The following ZNF536 variants were observed in gnomAD, a reference collection of about 807,000 sequenced individuals.
The protein encoded by ZNF536 is zinc finger protein 536.
A neutral mutation model predicts 84.5 loss-of-function variants in ZNF536; 13 were observed. The ratio of observed to expected loss-of-function variants is 0.15; its 90% confidence interval spans 0.10 to 0.24. The LOEUF is 0.24. Among genes scored for constraint, ZNF536 ranks in the 10% least tolerant of loss-of-function variants. ZNF536 has a pLI of 1.00. For synonymous variants in ZNF536, 811 were observed against 742.5 expected (o/e 1.09, Z -1.50); for missense variants, 1,536 against 1,747.5 (o/e 0.88, Z 2.16).
At chr19:30,413,870 T>C (rs957214519) in intron 1 of ZNF536, among the ~76,000 whole-genome samples, 7 of 151,900 alleles carry the variant, frequency 4.6e-5, no homozygotes, top group Non-Finnish European at 8.8e-5. Context: ...GGTGGGCAAA[T>C]CATGAGGTCA....
chr19:30,306,263 C>G (rs2046341264), intron 2 of ZNF536, among the ~76,000 whole-genome samples: 1 of 139,168 alleles, frequency 7.2e-6, no homozygotes, highest in African/African-American at 2.7e-5. Flanking sequence ...TTTCTCTCTT[C>G]TTTTGTTGCC....
chr19:30,400,652 C>T (rs1386088225), intron 1 of ZNF536, among the ~76,000 whole-genome samples: 1 of 152,146 alleles, frequency 6.6e-6, no homozygotes, highest in Non-Finnish European at 1.5e-5. Flanking sequence ...GCCTTCAACT[C>T]CTGGCCTCAA....
chr19:30,226,105 C>T (rs1383499849), upstream of ZNF536, among the ~76,000 whole-genome samples: 1 of 151,856 alleles, frequency 6.6e-6, no homozygotes, highest in East Asian at 2.0e-4. This position sits in a 1 kb window ranked among gnomAD's most constrained non-coding sequence, Gnocchi z 4.6. Context: ...AGGCCTGGCG[C>T]CCGGCGCGCG....
intron 1 of ZNF536, among the ~76,000 whole-genome samples, chr19:30,607,316 T>A (rs2047936428): frequency 6.6e-6 from 1 of 152,216 alleles, no homozygotes; most frequent in Non-Finnish European, 1.5e-5. Context: ...GGCTTTCTAT[T>A]GACATTTTGT....
chr19:30,332,304 C>A (rs1220349907), intron 2 of ZNF536, among the ~76,000 whole-genome samples: 1 of 152,174 alleles, frequency 6.6e-6, no homozygotes, highest in African/African-American at 2.4e-5. Flanking sequence ...CTTCTCTGAC[C>A]TGCTCTTCCC....
intron 1 of ZNF536, among the ~76,000 whole-genome samples, chr19:30,703,180 G>A (rs951244552): frequency 6.6e-6 from 1 of 152,164 alleles, no homozygotes; most frequent in African/African-American, 2.4e-5. Context: ...AGGGAGGATC[G>A]AGCAAAGGTC....
intron 1 of ZNF536, among the ~76,000 whole-genome samples, chr19:30,253,663 G>A (rs2024743099): frequency 6.6e-6 from 1 of 152,204 alleles, no homozygotes; most frequent in African/African-American, 2.4e-5. Flanking sequence ...GTATCTGTGT[G>A]TGCCCCGGCT....
At chr19:30,501,377 C>T (rs2054943803) in intron 2 of ZNF536, among the ~76,000 whole-genome samples, 1 of 152,214 alleles carries the variant, frequency 6.6e-6, no homozygotes, top group African/African-American at 2.4e-5. Flanking sequence ...CATTGTCTGA[C>T]ATCATAGCTC....
chr19:30,652,647 T>C (rs1432076699), intron 1 of ZNF536, among the ~76,000 whole-genome samples: 1 of 152,196 alleles, frequency 6.6e-6, no homozygotes, highest in Non-Finnish European at 1.5e-5. Context: ...CAGGAAACTT[T>C]TCCCCCTTTA....
chr19:30,317,790 A>C (rs1825245766), intron 2 of ZNF536, among the ~76,000 whole-genome samples: 1 of 152,218 alleles, frequency 6.6e-6, no homozygotes, highest in Non-Finnish European at 1.5e-5. Flanking sequence ...GCATTTCATC[A>C]ATTCTTCTGA....
chr19:30,664,256 CT>C (rs2050238215), intron 1 of ZNF536, among the ~76,000 whole-genome samples: 1 of 145,988 alleles, frequency 6.8e-6, no homozygotes, highest in Non-Finnish European at 1.5e-5. Flanking sequence ...CTCTCTCTCT[CT>C]CTCTCCCTCT....
chr19:30,636,802 C>T (rs889945945), intron 1 of ZNF536, among the ~76,000 whole-genome samples: 5 of 152,240 alleles, frequency 3.3e-5, no homozygotes, highest in East Asian at 1.9e-4. Flanking sequence ...CAGCCTGTTG[C>T]GGGCCTGGGG....
Position 30,231,749 on chromosome 19 carries a change from C to T in ZNF536, c.-190+3076C>T, listed in dbSNP as rs113696796. Among the ~76,000 whole-genome samples, 577 of 152,136 alleles carry T rather than the reference C, an allele frequency of 3.8e-3. 6 individuals carry two copies. Among genetic ancestry groups the T allele is most frequent in the African/African-American group, 0.013 (555 of 41,494 alleles). On this transcript the variant is annotated intron_variant, in intron 1 of 5. Coordinates refer to the ZNF536 transcript ENST00000585628. Reference sequence around the variant, plus strand: ...GCAGATAATGTGTGTGGTCAGAATGCGCTAAGCCAGGGAGTGGCCCCCTAG... The same window carrying T: ...GCAGATAATGTGTGTGGTCAGAATGTGCTAAGCCAGGGAGTGGCCCCCTAG...
rs147875173 is a variant in ZNF536, at chr19:30,684,430, T to A, written c.170-26327T>A. 1.1e-3 allele frequency among the ~76,000 whole-genome samples: 166 copies of A among 152,244 alleles called. 1 individual carries two copies. Among genetic ancestry groups the A allele is most frequent in the African/African-American group, 3.7e-3 (154 of 41,550 alleles). On this transcript the variant is annotated intron_variant, in intron 1 of 1. Coordinates refer to the ZNF536 transcript ENST00000592773. Reference sequence around the variant, plus strand: ...GGGATTACAGGTTTGAGCCACCGCGTCTTGGCCTCACAAAAATCTTAATGC... The same window carrying A: ...GGGATTACAGGTTTGAGCCACCGCGACTTGGCCTCACAAAAATCTTAATGC...
chr19:30,345,680 G>A (rs2047718079), intron 2 of ZNF536, among the ~76,000 whole-genome samples: 1 of 152,190 alleles, frequency 6.6e-6, no homozygotes, highest in Non-Finnish European at 1.5e-5. Flanking sequence ...TTATGACCAG[G>A]TCATTGAAGG....
intron 2 of ZNF536, among the ~76,000 whole-genome samples, chr19:30,297,909 C>CCG (rs1568313230): frequency 4.1e-5 from 6 of 147,534 alleles, no homozygotes; most frequent in East Asian, 3.9e-4. Flanking sequence ...GGAGTCCCCC[C>CCG]CCCCTCTGTC....
intron 2 of ZNF536, among the ~76,000 whole-genome samples, chr19:30,500,250 C>T (rs540778132): frequency 4.0e-4 from 61 of 152,334 alleles, no homozygotes; most frequent in South Asian, 6.2e-4. Flanking sequence ...CTCACAATCC[C>T]AGTCTCACTC....
At chr19:30,678,005 T>C (rs938594746) in intron 1 of ZNF536, among the ~76,000 whole-genome samples, 5 of 152,204 alleles carry the variant, frequency 3.3e-5, no homozygotes, top group African/African-American at 1.2e-4. Flanking sequence ...AGACTTCTTC[T>C]GGCCACGGTT....
chr19:30,413,086 G>A (rs1284351140), intron 1 of ZNF536, among the ~76,000 whole-genome samples: 2 of 151,908 alleles, frequency 1.3e-5, no homozygotes, highest in Non-Finnish European at 2.9e-5. Flanking sequence ...TCAATCCCAT[G>A]TTGTTTGTGT....
Sources: gnomAD v4.1 joint callset for allele counts (sites outside exome capture counted in the v4.1 genomes callset) on GRCh38, gnomAD v4.1.1 for gene constraint, Gnocchi (gnomAD v3.1) non-coding constraint, MANE v1.5 for transcripts, NCBI Gene and HGNC (gene_info 2026-07-23, HGNC 2026-07-21) for gene names.